The following ZIM2 variants were observed in gnomAD, a reference collection of about 807,000 sequenced individuals.
The protein encoded by ZIM2 is zinc finger imprinted 2.
ZIM2 carries 14 observed loss-of-function variants against 38.6 expected under a neutral mutation model. That is an observed-to-expected ratio of 0.36 (90% CI 0.24 to 0.57). The LOEUF (loss-of-function observed/expected upper bound fraction) is 0.57. Among genes scored for constraint, ZIM2 ranks in the 20% least tolerant of loss-of-function variants. The pLI is 0.81. For missense variants in ZIM2, 680 were observed against 695.1 expected (o/e 0.98, Z 0.24); for synonymous variants, 247 against 245.8 (o/e 1.00, Z -0.04).
At chr19:56,820,923 C>T (rs774657272) in intron 7 of ZIM2, among the ~76,000 whole-genome samples, 1 of 152,108 alleles carries the variant, frequency 6.6e-6, no homozygotes, top group African/African-American at 2.4e-5. Context: ...TTCTTTGAGT[C>T]CAGTCAGTGC....
rs148060182 is a variant in ZIM2 at position 56,774,891 on chromosome 19, C to T, written c.1474G>A (p.Val492Ile). 164 of 1,614,156 alleles carry T rather than the reference C, an allele frequency of 1.0e-4. 1 individual carries two copies. The African/African-American group carries it at 1.6e-3, about 15-fold the overall frequency. The change falls in exon 13 of 13, where the codon GTT becomes ATT. Residue 492 changes from valine to isoleucine, a missense_variant. Transcript: ENST00000629319. Reference sequence around the variant, plus strand: ...CAACACTGGCAGGCTCTCTCTCCAACGTAGTCATGTTTCCGCTGATAACGA... The same window carrying T: ...CAACACTGGCAGGCTCTCTCTCCAATGTAGTCATGTTTCCGCTGATAACGA... ...LIRYQRKHDY[V>I]GERACQCCDC... is the part of the protein sequence containing the mutation.
intron 9 of ZIM2, chr19:56,810,255 A>C (rs2048030986): frequency 1.0e-6 from 1 of 983,546 alleles, no homozygotes; most frequent in African/African-American, 1.7e-5. Flanking sequence ...CATTTCTGTA[A>C]CTTCAAAGTT....
In ZIM2 at chr19:56,814,509, G is replaced by A. The variant is rs117718960; in HGVS notation, c.490+3237C>T. On this transcript the variant is annotated intron_variant, in intron 9 of 12. Transcript: ENST00000629319. The surrounding 1 kb of genome is among the most constrained non-coding windows in gnomAD (Gnocchi z 5.8). ...ATGAGGTGTGAGTATAGGAGGACCC[G>A]TACTCATAGGGCTCATTCTTATGAA... The A allele has an allele frequency of 6.6e-3, 10,576 of 1,613,516 alleles. 56 individuals carry two copies. Among genetic ancestry groups the A allele is most frequent in the Non-Finnish European group, 8.4e-3 (9,917 of 1,179,454 alleles).
At chr19:56,813,939 T>C in intron 9 of ZIM2, 1 of 1,614,192 alleles carries the variant, frequency 6.2e-7, no homozygotes, top group Non-Finnish European at 8.5e-7. Context: ...AGTATGGTTC[T>C]TCTACCTGAA....
chr19:56,829,711 C>CT (rs2061400937), intron 2 of ZIM2, among the ~76,000 whole-genome samples: 1 of 152,244 alleles, frequency 6.6e-6, no homozygotes, highest in Admixed American at 6.5e-5. Context: ...CCGTCCTCTA[C>CT]TTGCTGCCCA....
chr19:56,775,656 T>C (rs1443116192), intron 12 of ZIM2, 127 bp from the exon 13 acceptor site: 4 of 1,424,674 alleles, frequency 2.8e-6, no homozygotes, highest in Non-Finnish European at 3.7e-6. Context: ...TTTCCTAATC[T>C]GAAAAAAAAA....
Position 56,774,934 on chromosome 19 carries a change from G to T in ZIM2, c.1431C>A (p.His477Gln), listed in dbSNP as rs778823000. 1.2e-6 allele frequency: 2 copies of T among 1,614,184 alleles called. No homozygotes were observed. Among genetic ancestry groups the T allele is most frequent in the South Asian group, 1.1e-5 (1 of 91,086 alleles). ...AARVLPPGLS[H>Q]SKTYLIRYQR... is the part of the protein sequence containing the mutation. ...GATAACGAATTAAGTATGTCTTGCT[G>T]TGGGACAACCCAGGAGGAAGGACTC... Residue 477 changes from histidine to glutamine, a missense_variant, in exon 13 of 13, where the codon CAC becomes CAA. Coordinates refer to ENST00000629319, the MANE Select transcript of ZIM2 (RefSeq NM_001387356.1).
At position 56,781,966 on chromosome 19, in the gene ZIM2, G is replaced by A; in HGVS notation, c.726C>T (p.Asn242=). 1 of 1,613,650 alleles carries A rather than the reference G, an allele frequency of 6.2e-7. No homozygotes were observed. ...YREVMLENYR[N]LVSLGHQFSK... ...AGGCATACTTACCCAGGGAGACCAG[G>A]TTCCGGTAATTCTCCAGCATCACCT... The change falls in exon 11 of 13, where the codon AAC becomes AAT. Residue 242 remains asparagine, a synonymous_variant. Transcript: ENST00000629319.
At chr19:56,805,906 A>G (rs940048345) in intron 9 of ZIM2, among the ~76,000 whole-genome samples, 2 of 152,236 alleles carry the variant, frequency 1.3e-5, no homozygotes, top group Non-Finnish European at 2.9e-5. Context: ...TGGAATATTG[A>G]CAGATTTGAT....
intron 9 of ZIM2, chr19:56,817,136 A>AGCTGAGGCT (rs2060050170): frequency 6.2e-7 from 1 of 1,613,990 alleles, no homozygotes; most frequent in Non-Finnish European, 8.5e-7. Context: ...AAGGAGGGGG[A>AGCTGAGGCT]GCTGAGGCTG....
At chr19:56,807,579 C>A (rs550297126) in intron 9 of ZIM2, among the ~76,000 whole-genome samples, 32 of 152,212 alleles carry the variant, frequency 2.1e-4, no homozygotes, top group Admixed American at 5.9e-4. Context: ...GAGGCCAAGG[C>A]AAGAGGGTCA....
intron 1 of ZIM2, among the ~76,000 whole-genome samples, chr19:56,838,268 C>G (rs555375967): frequency 1.3e-5 from 2 of 152,106 alleles, no homozygotes; most frequent in East Asian, 3.9e-4. Context: ...CTCGGCAGCC[C>G]CTAGTCACTG....
At chr19:56,817,147 C>T in intron 9 of ZIM2, 1 of 1,614,182 alleles carries the variant, frequency 6.2e-7, no homozygotes, top group Non-Finnish European at 8.5e-7. Context: ...GCTGAGGCTG[C>T]TCAGGCTGCT....
At chr19:56,817,373 T>A in intron 9 of ZIM2, 1 of 1,613,970 alleles carries the variant, frequency 6.2e-7, no homozygotes, top group Non-Finnish European at 8.5e-7. Flanking sequence ...ACTGACTCCC[T>A]CTTGTTCAAT....
chr19:56,798,131 T>C (rs895076482), intron 9 of ZIM2: 3 of 152,216 alleles, frequency 2.0e-5, no homozygotes, highest in Non-Finnish European at 2.9e-5. Flanking sequence ...AAAACTGCCA[T>C]GAAGACTGCT....
intron 9 of ZIM2, chr19:56,813,409 G>A: frequency 7.9e-7 from 1 of 1,271,246 alleles, no homozygotes; most frequent in Non-Finnish European, 9.9e-7. Context: ...TACTCATAGG[G>A]TTTTCTCAAT....
intron 12 of ZIM2, among the ~76,000 whole-genome samples, chr19:56,777,103 CTG>C (rs1327885057): frequency 2.0e-5 from 3 of 152,154 alleles, no homozygotes; most frequent in Non-Finnish European, 4.4e-5. Flanking sequence ...AAGTATAAGA[CTG>C]TGGTTTGGAA....
intron 12 of ZIM2, among the ~76,000 whole-genome samples, chr19:56,778,872 T>G (rs2046167260): frequency 6.6e-6 from 1 of 152,080 alleles, no homozygotes; most frequent in African/African-American, 2.4e-5. Flanking sequence ...TCCAGAACTA[T>G]AAGGACGCTA....
chr19:56,822,468 G>T, intron 6 of ZIM2: 1 of 369,774 alleles, frequency 2.7e-6, no homozygotes, highest in South Asian at 5.7e-5. Flanking sequence ...TTTTTGCAGT[G>T]GCATAGTCTT....
Sources: allele counts gnomAD v4.1 joint callset (sites outside exome capture counted in the v4.1 genomes callset), GRCh38; gene constraint gnomAD v4.1.1; non-coding constraint Gnocchi (gnomAD v3.1); transcripts MANE v1.5; gene names NCBI Gene and HGNC (gene_info 2026-07-23, HGNC 2026-07-21).